RAPGEF1: variants seen among roughly 807,000 people sequenced by gnomAD.
RAPGEF1 encodes the protein Rap guanine nucleotide exchange factor 1, also known as CRK SH3-binding GNRP.
Under a neutral mutation model 143.3 loss-of-function variants are expected in RAPGEF1, and 33 were observed. The observed-to-expected ratio is 0.23, with a 90% CI of 0.17 to 0.31. The LOEUF (loss-of-function observed/expected upper bound fraction) is 0.31. RAPGEF1 is among the 10% of genes least tolerant of loss of function. The pLI is 1.00. For missense variants in RAPGEF1, 1,199 were observed against 1,645.4 expected (o/e 0.73, Z 4.69); for synonymous variants, 629 against 676.5 (o/e 0.93, Z 1.09).
rs1970859564 is a variant in RAPGEF1 at position 131,650,709 on chromosome 9, T to C, written c.201+101A>G. On this transcript the variant is annotated intron_variant, in intron 2 of 26. Transcript: ENST00000683357. The surrounding 1 kb of genome is among the most constrained non-coding windows in gnomAD (Gnocchi z 4.7). ...ATGGAATGCTACGAAGTAGGTATGATGCACTGAAAGCTCAATCCCCAGGGA... is the reference window on the plus strand; with the variant it reads ...ATGGAATGCTACGAAGTAGGTATGACGCACTGAAAGCTCAATCCCCAGGGA... 8 of 1,480,672 alleles carry C rather than the reference T, an allele frequency of 5.4e-6. No individual in the cohort carries two copies. The highest frequency in any genetic ancestry group is 2.0e-5 in the Admixed American group (1 of 49,660). The allele number at this position is 1,480,672 out of a possible 1,614,324, so 91.7% of individuals were successfully genotyped here. A position where few individuals can be genotyped will look rare whatever the true frequency, so the allele number is the denominator to read the frequency against.
At chr9:131,695,088 A>T (rs1031140272) in intron 1 of RAPGEF1, among the ~76,000 whole-genome samples, 3 of 151,808 alleles carry the variant, frequency 2.0e-5, no homozygotes, top group African/African-American at 7.3e-5. Context: ...ACCTACTAGC[A>T]ATATAGGTTT....
At chr9:131,631,596 C>T (rs1282515511) in intron 5 of RAPGEF1, among the ~76,000 whole-genome samples, 1 of 152,240 alleles carries the variant, frequency 6.6e-6, no homozygotes, top group African/African-American at 2.4e-5. Context: ...TTCCAAGTTA[C>T]AGAGGAGGTG....
intron 15 of RAPGEF1, among the ~76,000 whole-genome samples, chr9:131,601,166 C>T (rs1321575181): frequency 5.2e-5 from 5 of 96,104 alleles, no homozygotes; most frequent in Admixed American, 2.4e-4. Flanking sequence ...AGTGAGACTC[C>T]GTCTCAAAAA....
In RAPGEF1 at chr9:131,606,454, C is replaced by T. The variant is rs193190946; in HGVS notation, c.2062-1266G>A. 4.6e-5 allele frequency among the ~76,000 whole-genome samples: 7 copies of T among 152,260 alleles called. No homozygotes were observed. The East Asian group carries it at 1.2e-3, about 25-fold the overall frequency. ...AAATTAAACAAAACAAAGACCTTGC[C>T]GGGCTCACTGGCCCACTACAGAGGC... On this transcript the variant is annotated intron_variant, in intron 12 of 26. Transcript: ENST00000683357.
chr9:131,706,351 C>T (rs536101238), intron 1 of RAPGEF1, among the ~76,000 whole-genome samples: 1 of 152,218 alleles, frequency 6.6e-6, no homozygotes, highest in Admixed American at 6.5e-5. Context: ...CAACCTCCGC[C>T]TCCTAGGTTC....
rs1564544725 is a variant in RAPGEF1 at position 131,621,098 on chromosome 9, TGC to T, written c.1905+696_1905+697del. Among the ~76,000 whole-genome samples the T allele has an allele frequency of 6.6e-6, 1 of 152,232 alleles. No individual in the cohort carries two copies. The highest frequency in any genetic ancestry group is 1.5e-5 in the Non-Finnish European group (1 of 68,018). On this transcript the variant is annotated intron_variant, in intron 11 of 26. Transcript: ENST00000683357. This position sits in a 1 kb window ranked among gnomAD's most constrained non-coding sequence, Gnocchi z 4.5. ...AGCAAAGGGAGAAAGTTTGGAGGGA[TGC>T]CACAGGTACCCCCGATCTGCTCACC...
intron 1 of RAPGEF1, among the ~76,000 whole-genome samples, chr9:131,730,143 G>A (rs1401532899): frequency 9.0e-5 from 12 of 133,852 alleles, no homozygotes; most frequent in African/African-American, 3.1e-4. Flanking sequence ...GCAGTGAGCC[G>A]AGACTGCATC....
At chr9:131,581,121 C>T (rs1217423247) in intron 25 of RAPGEF1, among the ~76,000 whole-genome samples, 2 of 151,008 alleles carry the variant, frequency 1.3e-5, no homozygotes, top group Admixed American at 6.6e-5. Context: ...GTAACAAGAA[C>T]GTAACAAGAA....
intron 1 of RAPGEF1, among the ~76,000 whole-genome samples, chr9:131,651,177 A>G (rs544307139): frequency 6.6e-6 from 1 of 152,380 alleles, no homozygotes; most frequent in South Asian, 2.1e-4. Context: ...CCAAATAAAT[A>G]TGGAAAAAGA....
chr9:131,583,259 TCTC>T lies in RAPGEF1; in HGVS notation c.3415-560_3415-558del. On this transcript the variant is annotated intron_variant, in intron 24 of 26. Transcript: ENST00000683357. The surrounding 1 kb of genome is among the most constrained non-coding windows in gnomAD (Gnocchi z 4.7). Reference sequence around the variant, plus strand: ...CTCAGAAGGCCCCTCTCCTGCCTCTTCTCCTGTTACGTGCCTCTCCCTGAAGTG... The same window carrying T: ...CTCAGAAGGCCCCTCTCCTGCCTCTTCTGTTACGTGCCTCTCCCTGAAGTG... Among the ~76,000 whole-genome samples, 1 of 152,172 alleles carries T rather than the reference TCTC, an allele frequency of 6.6e-6. No homozygotes were observed. Among genetic ancestry groups the T allele is most frequent in the Non-Finnish European group, 1.5e-5 (1 of 67,978 alleles).
chr9:131,600,836 C>T (rs1956146051), intron 15 of RAPGEF1, among the ~76,000 whole-genome samples: 2 of 152,090 alleles, frequency 1.3e-5, no homozygotes, highest in Admixed American at 1.3e-4. Flanking sequence ...TATTTCTACA[C>T]TTGGTCAGGT....
intron 1 of RAPGEF1, among the ~76,000 whole-genome samples, chr9:131,663,692 T>G (rs1401529497): frequency 6.6e-6 from 1 of 152,192 alleles, no homozygotes; most frequent in Admixed American, 6.5e-5. Context: ...ACACAGTTCC[T>G]GGGTGGTATG....
intron 13 of RAPGEF1, 128 bp downstream of exon 13, chr9:131,604,803 C>A: frequency 8.5e-7 from 1 of 1,181,226 alleles, no homozygotes; most frequent in South Asian, 1.5e-5. Context: ...CGCTGGCAGC[C>A]CCCAACTGCT....
chr9:131,720,554 A>G (rs1381047924), intron 1 of RAPGEF1, among the ~76,000 whole-genome samples: 1 of 152,204 alleles, frequency 6.6e-6, no homozygotes, highest in African/African-American at 2.4e-5. Flanking sequence ...GCCACCGAAC[A>G]GGCAGGCAGC....
intron 1 of RAPGEF1, among the ~76,000 whole-genome samples, chr9:131,658,673 G>C (rs955069078): frequency 2.6e-5 from 4 of 152,194 alleles, no homozygotes; most frequent in African/African-American, 9.7e-5. Flanking sequence ...AAGAGGATGG[G>C]CCGGAGGAGA....
At chr9:131,637,080 C>T (rs1966560850) in intron 5 of RAPGEF1, among the ~76,000 whole-genome samples, 1 of 152,070 alleles carries the variant, frequency 6.6e-6, no homozygotes, top group African/African-American at 2.4e-5. Context: ...ATAAAATTAG[C>T]TGGGTGTGGT....
intron 9 of RAPGEF1, 69 bp from the exon 10 acceptor site, chr9:131,626,491 G>T (rs915307948): frequency 6.8e-7 from 1 of 1,472,690 alleles, no homozygotes; most frequent in Non-Finnish European, 9.1e-7. Flanking sequence ...AGCTCCCCCC[G>T]CCCGCCTCTC....
At chr9:131,723,180 C>T (rs547714466) in intron 1 of RAPGEF1, among the ~76,000 whole-genome samples, 3 of 152,010 alleles carry the variant, frequency 2.0e-5, no homozygotes, top group South Asian at 4.2e-4. Flanking sequence ...GGTGACAGAG[C>T]GAGACTCCGT....
At chr9:131,648,703 C>T (rs981199081) in intron 3 of RAPGEF1, among the ~76,000 whole-genome samples, 2 of 152,330 alleles carry the variant, frequency 1.3e-5, no homozygotes, top group South Asian at 2.1e-4. Flanking sequence ...CTGACTGTTT[C>T]CCTCTTGCTT....
Sources: gnomAD v4.1 joint callset for allele counts (sites outside exome capture counted in the v4.1 genomes callset) on GRCh38, gnomAD v4.1.1 for gene constraint, Gnocchi (gnomAD v3.1) non-coding constraint, MANE v1.5 for transcripts, NCBI Gene and HGNC (gene_info 2026-07-23, HGNC 2026-07-21) for gene names.